The following ETV6 variants were observed in gnomAD, a reference collection of about 807,000 sequenced individuals.
ETV6 encodes the protein transcription factor ETV6.
ETV6 carries 16 observed loss-of-function variants against 51.1 expected under a neutral mutation model. The observed-to-expected ratio is 0.31, with a 90% confidence interval of 0.21 to 0.48. ETV6 has a LOEUF of 0.48. Ranked by LOEUF, ETV6 falls within the 20% of genes least tolerant of loss-of-function variation. The pLI, the probability that ETV6 is intolerant of heterozygous loss-of-function variation, is 0.99. For missense variants in ETV6, 458 were observed against 594.8 expected, an observed-to-expected ratio of 0.77 and a Z score of 2.39; for synonymous variants, 240 against 224.1, an observed-to-expected ratio of 1.07 and a Z score of -0.64.
intron 3 of ETV6, among the ~76,000 whole-genome samples, chr12:11,851,557 T>C (rs1359315918): frequency 6.6e-6 from 1 of 152,204 alleles, no homozygotes; most frequent in East Asian, 1.9e-4. Flanking sequence ...TCAAATGCAG[T>C]CATGTGTGCC....
intron 2 of ETV6, among the ~76,000 whole-genome samples, chr12:11,837,835 G>A (rs1946337947): frequency 1.3e-5 from 2 of 152,230 alleles, no homozygotes; most frequent in South Asian, 4.2e-4. Flanking sequence ...CTTAAATTTG[G>A]TCTCATGTCT....
chr12:11,741,246 A>G (rs1241133243), intron 1 of ETV6, among the ~76,000 whole-genome samples: 1 of 152,224 alleles, frequency 6.6e-6, no homozygotes, highest in Non-Finnish European at 1.5e-5. Flanking sequence ...GCACAGGTGC[A>G]TCTCTGTAGC....
intron 2 of ETV6, among the ~76,000 whole-genome samples, chr12:11,830,631 G>A (rs1946229050): frequency 1.3e-5 from 2 of 152,232 alleles, no homozygotes; most frequent in Admixed American, 1.3e-4. Flanking sequence ...CTGCAGAGCT[G>A]GCTCAGATGT....
At chr12:11,730,476 G>A (rs138990149) in intron 1 of ETV6, among the ~76,000 whole-genome samples, 135 of 152,354 alleles carry the variant, frequency 8.9e-4, no homozygotes, top group African/African-American at 3.2e-3. Flanking sequence ...GCCTCAGAGA[G>A]CTCCAAGGAA....
intron 7 of ETV6, among the ~76,000 whole-genome samples, chr12:11,889,849 T>C (rs767000519): frequency 6.6e-6 from 1 of 152,092 alleles, no homozygotes; most frequent in African/African-American, 2.4e-5. Context: ...AGCTCTAAGA[T>C]AGTGGCGCAG....
In ETV6 at chr12:11,876,666, C is replaced by G. The variant is rs543000809; in HGVS notation, c.1009+6697C>G. 2.6e-5 allele frequency among the ~76,000 whole-genome samples: 4 copies of G among 152,290 alleles called. No homozygotes were observed. The East Asian group carries it at 7.7e-4, about 29-fold the overall frequency. ...TCATTTGCTACCCAAAAGTGGGGAC[C>G]TAAATCTGTACAGATTTACGTGTTC... On this transcript the variant is annotated intron_variant, in intron 5 of 7. Coordinates refer to ENST00000396373, the MANE Select transcript of ETV6 (RefSeq NM_001987.5).
chr12:11,723,921 T>G (rs1439692188), intron 1 of ETV6, among the ~76,000 whole-genome samples: 1 of 147,456 alleles, frequency 6.8e-6, no homozygotes, highest in Non-Finnish European at 1.5e-5. Context: ...ATAGGAGTCC[T>G]GGTCTGGGAG....
intron 7 of ETV6, among the ~76,000 whole-genome samples, chr12:11,890,147 C>A (rs1017196751): frequency 2.1e-5 from 3 of 143,810 alleles, no homozygotes; most frequent in African/African-American, 7.8e-5. Context: ...TTTTTTTGCC[C>A]TTCCAATTTT....
chr12:11,718,710 C>T (rs1248515387), intron 1 of ETV6, among the ~76,000 whole-genome samples: 2 of 152,016 alleles, frequency 1.3e-5, no homozygotes, highest in African/African-American at 4.8e-5. Flanking sequence ...TGGGAGGCAG[C>T]CTGGGCAACA....
intron 2 of ETV6, among the ~76,000 whole-genome samples, chr12:11,780,558 T>G (rs1476315104): frequency 6.6e-6 from 1 of 152,182 alleles, no homozygotes; most frequent in Non-Finnish European, 1.5e-5. Context: ...TTAGCTGAGA[T>G]GGAGCCATAA....
Position 11,675,786 on chromosome 12 carries a change from G to A in ETV6, c.33+25626G>A, listed in dbSNP as rs548700082. Among the ~76,000 whole-genome samples the A allele has an allele frequency of 2.6e-4, 39 of 152,014 alleles. No individual in the cohort carries two copies. In the East Asian group the frequency reaches 7.0e-3, roughly 27 times the overall value. ...CTATGATCATGCCACTGTACTTCAC[G>A]CTGGGCAACAGAGTGAGACCTCTGT... On this transcript the variant is annotated intron_variant, in intron 1 of 7. Coordinates refer to ENST00000396373, the MANE Select transcript of ETV6 (RefSeq NM_001987.5).
At chr12:11,816,847 A>G (rs894397653) in intron 2 of ETV6, among the ~76,000 whole-genome samples, 1 of 152,042 alleles carries the variant, frequency 6.6e-6, no homozygotes, top group African/African-American at 2.4e-5. Flanking sequence ...TTCCTTCAAT[A>G]TTTTCCTATA....
chr12:11,853,540 C>T lies in ETV6; in HGVS notation c.442C>T (p.Leu148=). Residue 148 remains leucine, a synonymous_variant, in exon 4 of 8, where the codon CTG becomes TTG. Coordinates refer to ENST00000396373, the MANE Select transcript of ETV6 (RefSeq NM_001987.5). The stretch of plus-strand genomic sequence containing the variant: ...TATACACACACAGCCGGAGGTCATA[C>T]TGCATCAGAACCATGAAGAAGGTAC... ...NSIHTQPEVI[L]HQNHEEDNCV... 1.2e-6 allele frequency: 2 copies of T among 1,614,254 alleles called. No individual in the cohort carries two copies. The highest frequency in any genetic ancestry group is 1.7e-6 in the Non-Finnish European group (2 of 1,180,036).
intron 2 of ETV6, among the ~76,000 whole-genome samples, chr12:11,826,800 A>G (rs1946159597): frequency 6.6e-6 from 1 of 152,140 alleles, no homozygotes; most frequent in Non-Finnish European, 1.5e-5. Context: ...GGGACAAAGC[A>G]TGAGACATCC....
chr12:11,893,486 A>G lies in ETV6; in HGVS notation c.*2440A>G, dbSNP rs1947329366. The G allele has an allele frequency of 4.3e-6, 1 of 231,724 alleles. No individual in the cohort carries two copies. Among genetic ancestry groups the G allele is most frequent in the African/African-American group, 2.2e-5 (1 of 45,248 alleles). The allele number at this position is 231,724 out of a possible 1,614,324, so 14.4% of individuals were successfully genotyped here. A position where few individuals can be genotyped will look rare whatever the true frequency, so the allele number is the denominator to read the frequency against. ...CTTCAGCCACTTGAAGAAGAAATAGAAGGCGCTCATTCCAATATAGTCTTT... is the reference window on the plus strand; with the variant it reads ...CTTCAGCCACTTGAAGAAGAAATAGGAGGCGCTCATTCCAATATAGTCTTT... On this transcript the variant is annotated 3_prime_UTR_variant, in exon 8 of 8. Transcript: ENST00000396373.
At chr12:11,816,372 G>A (rs1945993990) in intron 2 of ETV6, among the ~76,000 whole-genome samples, 1 of 152,158 alleles carries the variant, frequency 6.6e-6, no homozygotes, top group South Asian at 2.1e-4. Flanking sequence ...AGCCTCCCAA[G>A]TAGCTGGGAC....
intron 2 of ETV6, among the ~76,000 whole-genome samples, chr12:11,830,518 G>C (rs987124895): frequency 6.6e-6 from 1 of 152,222 alleles, no homozygotes; most frequent in Non-Finnish European, 1.5e-5. Context: ...GGAAGCATCT[G>C]GTAATGTTTT....
At chr12:11,716,377 A>G (rs1295121048) in intron 1 of ETV6, among the ~76,000 whole-genome samples, 2 of 149,306 alleles carry the variant, frequency 1.3e-5, no homozygotes, top group African/African-American at 4.9e-5. Flanking sequence ...TCGGAACCGA[A>G]TATGTGAAGA....
At chr12:11,875,027 C>T (rs1028564899) in intron 5 of ETV6, among the ~76,000 whole-genome samples, 20 of 141,356 alleles carry the variant, frequency 1.4e-4, no homozygotes, top group African/African-American at 5.2e-4. Flanking sequence ...CACATGTACC[C>T]TAAAACTTAA....
Sources: allele counts gnomAD v4.1 joint callset (sites outside exome capture counted in the v4.1 genomes callset), GRCh38; gene constraint gnomAD v4.1.1; transcripts MANE v1.5; gene names NCBI Gene and HGNC (gene_info 2026-07-23, HGNC 2026-07-21).